Variants in OLFM2 observed in about 807,000 individuals in gnomAD.
OLFM2 encodes the protein olfactomedin 2.
In OLFM2, 20 loss-of-function variants were observed where a neutral mutation model predicts 43.9. That is an observed-to-expected ratio of 0.46 (90% CI 0.32 to 0.66). The LOEUF (loss-of-function observed/expected upper bound fraction) is 0.66, where lower values mean the gene tolerates loss of function less well. Among genes scored for constraint, OLFM2 ranks in the 30% least tolerant of loss-of-function variants. The probability of loss-of-function intolerance (pLI) is 0.04; values close to 1 mark genes in which losing one functional copy is unlikely to be tolerated. For missense variants in OLFM2, 416 were observed against 643.6 expected, an observed-to-expected ratio of 0.65 and a Z score of 3.83; for synonymous variants, 268 against 278.6, an observed-to-expected ratio of 0.96 and a Z score of 0.38.
At chr19:9,905,901 A>G (rs939560002) in intron 1 of OLFM2, among the ~76,000 whole-genome samples, 2 of 152,076 alleles carry the variant, frequency 1.3e-5, no homozygotes, top group African/African-American at 4.8e-5. Context: ...GCCCCATCGC[A>G]CCTCAACAGT....
In OLFM2 at chr19:9,854,126, T is replaced by A. The variant is rs2145425803; in HGVS notation, c.*60A>T. 2.0e-6 allele frequency: 3 copies of A among 1,499,206 alleles called. No homozygotes were observed. Among genetic ancestry groups the A allele is most frequent in the Non-Finnish European group, 1.8e-6 (2 of 1,081,612 alleles). 92.9% of individuals were successfully genotyped at this position (1,499,206 alleles called of 1,614,324 possible). On this transcript the variant is annotated 3_prime_UTR_variant, in exon 6 of 6. Transcript: ENST00000264833. The surrounding 1 kb of genome is among the most constrained non-coding windows in gnomAD (Gnocchi z 9.5). ...TCACCCTTGAGGGACACAGGCAGAA[T>A]GAAAAGGGCCCCCAGCCCCCAGAGG... is the stretch of plus-strand genomic sequence containing the variant.
At chr19:9,865,478 G>GTTT in intron 1 of OLFM2, among the ~76,000 whole-genome samples, 2 of 99,168 alleles carry the variant, frequency 2.0e-5, no homozygotes, top group African/African-American at 4.1e-5. Flanking sequence ...TTACCTCTCT[G>GTTT]TTTTTTCTTT....
intron 1 of OLFM2, among the ~76,000 whole-genome samples, chr19:9,903,064 C>G (rs1471922048): frequency 6.6e-6 from 1 of 151,712 alleles, no homozygotes; most frequent in Non-Finnish European, 1.5e-5. Context: ...CTGATTTTTA[C>G]ATATTTTGTT....
At chr19:9,864,240 A>G (rs1599467766) in intron 1 of OLFM2, among the ~76,000 whole-genome samples, 1 of 152,222 alleles carries the variant, frequency 6.6e-6, no homozygotes, top group Admixed American at 6.5e-5. Context: ...CATTAGATTT[A>G]CACCTCAGTT....
chr19:9,923,953 A>C (rs2086436402), intron 1 of OLFM2, among the ~76,000 whole-genome samples: 1 of 151,588 alleles, frequency 6.6e-6, no homozygotes, highest in Admixed American at 6.6e-5. Flanking sequence ...TACAAAAATT[A>C]GCCGGGCTTG....
chr19:9,870,970 C>T (rs2145444141), intron 1 of OLFM2, among the ~76,000 whole-genome samples: 1 of 152,114 alleles, frequency 6.6e-6, no homozygotes, highest in Non-Finnish European at 1.5e-5. Flanking sequence ...CCGAGGTGAG[C>T]TCAAGAGTTT....
chr19:9,858,043 T>C, intron 2 of OLFM2, 182 bp from the exon 3 acceptor site: 1 of 722,678 alleles, frequency 1.4e-6, no homozygotes. Context: ...CATCCATCGC[T>C]CCCTCCCTAC....
In OLFM2 at chr19:9,900,992, G is replaced by GGAAGGAAGGA. The variant is rs1332960403; in HGVS notation, c.63+35311_63+35312insTCCTTCCTTC. ...GAAGGAAGGAAGGAAGGAAGGAAGGGAGGGAGGGGGGAGGGAGGGAAGGAG... is the reference window on the plus strand; with the variant it reads ...GAAGGAAGGAAGGAAGGAAGGAAGGGGAAGGAAGGAAGGGAGGGGGGAGGGAGGGAAGGAG... On this transcript the variant is annotated intron_variant, in intron 1 of 5. Coordinates refer to ENST00000264833, the MANE Select transcript of OLFM2 (RefSeq NM_058164.4). Among the ~76,000 whole-genome samples, 5 of 13,396 alleles carry GGAAGGAAGGA rather than the reference G, an allele frequency of 3.7e-4. No individual in the cohort carries two copies. The East Asian group carries it at 4.3e-3, about 12-fold the overall frequency. 8.8% of individuals were successfully genotyped at this position (13,396 alleles called of 152,430 possible).
At chr19:9,905,929 C>T (rs1487799044) in intron 1 of OLFM2, among the ~76,000 whole-genome samples, 5 of 152,216 alleles carry the variant, frequency 3.3e-5, no homozygotes, top group Admixed American at 2.6e-4. Flanking sequence ...GGCTTTGCCA[C>T]GCTCAGACAT....
rs975420300 is a variant in OLFM2 at position 9,856,885 on chromosome 19, G to T, written c.609C>A (p.Asn203Lys). The T allele has an allele frequency of 3.7e-6, 6 of 1,612,316 alleles. No homozygotes were observed. Among genetic ancestry groups the T allele is most frequent in the Non-Finnish European group, 4.2e-6 (5 of 1,179,356 alleles). Residue 203 changes from asparagine (N) to lysine (K), a missense_variant, in exon 5 of 6, where the codon AAC becomes AAA. Coordinates refer to ENST00000264833, the MANE Select transcript of OLFM2 (RefSeq NM_058164.4). This position sits in a 1 kb window ranked among gnomAD's most constrained non-coding sequence, Gnocchi z 4.0. ...LGCGKLTGVS[N>K]PITVRAMGSR... ...ACCCCATGGCCCGAACGGTGATGGG[G>T]TTACTGACCCCGGTCAGCTTCCCAC...
chr19:9,927,844 T>C (rs888783414), intron 1 of OLFM2, among the ~76,000 whole-genome samples: 6 of 152,046 alleles, frequency 3.9e-5, no homozygotes, highest in African/African-American at 1.4e-4. Context: ...GGCGGATCAC[T>C]TGAGGTCAGG....
intron 1 of OLFM2, among the ~76,000 whole-genome samples, chr19:9,915,616 C>T (rs544333469): frequency 1.3e-5 from 2 of 152,044 alleles, no homozygotes; most frequent in Non-Finnish European, 2.9e-5. Flanking sequence ...CTCCCGGGTT[C>T]AGGCCATTCT....
At chr19:9,879,859 C>T (rs1332129509) in intron 1 of OLFM2, among the ~76,000 whole-genome samples, 1 of 152,060 alleles carries the variant, frequency 6.6e-6, no homozygotes, top group Non-Finnish European at 1.5e-5. Context: ...TCACTGCAAC[C>T]TCCGTCTCCT....
In OLFM2 at chr19:9,856,780, A is replaced by AGT; in HGVS notation, c.687+26_687+27insAC. The AGT allele has an allele frequency of 6.3e-7, 1 of 1,579,066 alleles. No individual in the cohort carries two copies. Among genetic ancestry groups the AGT allele is most frequent in the Non-Finnish European group, 8.7e-7 (1 of 1,152,126 alleles). ...AAGGCTCTGTCCCTCCCAGGCCCTGACCCCAGGGGTGGGCGCAGTCACTCA... is the reference window on the plus strand; with the variant it reads ...AAGGCTCTGTCCCTCCCAGGCCCTGAGTCCCCAGGGGTGGGCGCAGTCACTCA... On this transcript the variant is annotated intron_variant, in intron 5 of 5. Transcript: ENST00000264833. This position sits in a 1 kb window ranked among gnomAD's most constrained non-coding sequence, Gnocchi z 4.0.
intron 1 of OLFM2, among the ~76,000 whole-genome samples, chr19:9,864,882 C>T (rs1184359178): frequency 4.7e-5 from 7 of 149,246 alleles, no homozygotes; most frequent in African/African-American, 9.9e-5. Context: ...CCACCTGCCT[C>T]GGCCTCTCAA....
intron 1 of OLFM2, among the ~76,000 whole-genome samples, chr19:9,889,523 T>C (rs12977419): frequency 0.41 from 62,136 of 151,974 alleles, 13,493 homozygotes; most frequent in Admixed American, 0.53. Flanking sequence ...GTATTGGGAT[T>C]ACAGACATAA....
At chr19:9,913,646 C>T (rs3745579) in intron 1 of OLFM2, 561,237 of 1,215,822 alleles carry the variant, frequency 0.46, 131,517 homozygotes, top group Admixed American at 0.58. Context: ...CCCGCGGCCG[C>T]CCGCCGCGCG....
At position 9,856,841 on chromosome 19, in the gene OLFM2, A is replaced by G; in HGVS notation, c.653T>C (p.Met218Thr). Reference sequence around the variant, plus strand: ...CGCACTGGGGGCCATCGTGTCAGTCATCCAGGAGCCGAAGCGGGACCCCAT... The same window carrying G: ...CGCACTGGGGGCCATCGTGTCAGTCGTCCAGGAGCCGAAGCGGGACCCCAT... The part of the protein sequence containing the change: ...RAMGSRFGSW[M>T]TDTMAPSADS... Residue 218 changes from methionine to threonine, a missense_variant, in exon 5 of 6, where the codon ATG becomes ACG. Transcript: ENST00000264833. This position sits in a 1 kb window ranked among gnomAD's most constrained non-coding sequence, Gnocchi z 4.0. 2 of 1,613,796 alleles carry G rather than the reference A, an allele frequency of 1.2e-6. No individual in the cohort carries two copies. Among genetic ancestry groups the G allele is most frequent in the Non-Finnish European group, 1.7e-6 (2 of 1,179,900 alleles).
intron 1 of OLFM2, among the ~76,000 whole-genome samples, chr19:9,865,161 T>C (rs1022670949): frequency 4.0e-5 from 5 of 124,656 alleles, no homozygotes; most frequent in African/African-American, 1.5e-4. Flanking sequence ...CTTCTTCTTC[T>C]TCTCCTCTTT....
Sources: gnomAD v4.1 joint callset for allele counts (sites outside exome capture counted in the v4.1 genomes callset) on GRCh38, gnomAD v4.1.1 for gene constraint, Gnocchi (gnomAD v3.1) non-coding constraint, MANE v1.5 for transcripts, NCBI Gene and HGNC (gene_info 2026-07-23, HGNC 2026-07-21) for gene names.